SHANK2: variants seen among roughly 807,000 people sequenced by gnomAD.
The protein encoded by SHANK2 is SH3 and multiple ankyrin repeat domains protein 2.
A neutral mutation model predicts 133.7 loss-of-function variants in SHANK2; 43 were observed. That is an observed-to-expected ratio of 0.32 (90% CI 0.25 to 0.41). The LOEUF is 0.41. SHANK2 is among the 10% of genes least tolerant of loss of function. The pLI is 1.00. For missense variants in SHANK2, 1,994 were observed against 2,235.8 expected (o/e 0.89, Z 2.18); for synonymous variants, 1,017 against 952.8 (o/e 1.07, Z -1.24).
In SHANK2 at chr11:70,801,475, G is replaced by A. The variant is rs997517416; in HGVS notation, c.1664-2919C>T. On this transcript the variant is annotated intron_variant, in intron 13 of 25. Transcript: ENST00000601538. ...AGAATGGGGAGCAAGAGAGGGGTTT[G>A]TGCCTTGAGTGCCTCCCTGACAGAA... Among the ~76,000 whole-genome samples, 4 of 152,240 alleles carry A rather than the reference G, an allele frequency of 2.6e-5. No homozygotes were observed. In the East Asian group the frequency reaches 5.8e-4, roughly 22 times the overall value.
intron 2 of SHANK2, among the ~76,000 whole-genome samples, chr11:71,192,939 TC>T (rs1953821205): frequency 6.6e-6 from 1 of 152,162 alleles, no homozygotes; most frequent in African/African-American, 2.4e-5. Flanking sequence ...GGGGGAACCT[TC>T]CTTGTCAAAG....
intron 17 of SHANK2, among the ~76,000 whole-genome samples, chr11:70,536,336 C>T (rs964469697): frequency 6.6e-6 from 1 of 152,188 alleles, no homozygotes; most frequent in East Asian, 1.9e-4. Context: ...TGAGATGAGG[C>T]TTGGTCTAAA....
intron 11 of SHANK2, among the ~76,000 whole-genome samples, chr11:70,885,406 A>G (rs1445141046): frequency 6.6e-6 from 1 of 152,196 alleles, no homozygotes; most frequent in African/African-American, 2.4e-5. Flanking sequence ...TGTGTGCACC[A>G]TGGGGGATCC....
At chr11:70,726,429 G>A (rs1946182116) in intron 14 of SHANK2, among the ~76,000 whole-genome samples, 1 of 145,614 alleles carries the variant, frequency 6.9e-6, no homozygotes, top group Non-Finnish European at 1.5e-5. Flanking sequence ...GGAGGCTAGA[G>A]ATGTGGGGTC....
intron 2 of SHANK2, among the ~76,000 whole-genome samples, chr11:71,222,539 C>T (rs958398441): frequency 3.3e-5 from 5 of 152,230 alleles, no homozygotes; most frequent in Admixed American, 1.3e-4. Flanking sequence ...GCTGGCCGGA[C>T]GCAGGCGCCT....
At chr11:70,947,109 T>C (rs1466947153) in intron 10 of SHANK2, among the ~76,000 whole-genome samples, 1 of 146,682 alleles carries the variant, frequency 6.8e-6, no homozygotes, top group African/African-American at 2.6e-5. Flanking sequence ...CCCAATCTGG[T>C]GAAATTCTTG....
At chr11:70,536,026 G>A (rs1026502474) in intron 17 of SHANK2, among the ~76,000 whole-genome samples, 11 of 152,196 alleles carry the variant, frequency 7.2e-5, no homozygotes, top group African/African-American at 2.7e-4. Context: ...CTCTCTGCAG[G>A]TGCACACACT....
chr11:70,826,832 G>C, intron 11 of SHANK2: 1 of 247,220 alleles, frequency 4.0e-6, no homozygotes, highest in Non-Finnish European at 8.2e-6. Context: ...GAGGCACCGC[G>C]GAGGGTTAAC....
At chr11:70,656,742 G>A (rs2061410455) in intron 17 of SHANK2, among the ~76,000 whole-genome samples, 1 of 152,180 alleles carries the variant, frequency 6.6e-6, no homozygotes, top group Admixed American at 6.5e-5. Flanking sequence ...CAGCTTGAGT[G>A]ATAACATCTA....
intron 11 of SHANK2, among the ~76,000 whole-genome samples, chr11:70,874,085 C>T (rs955913471): frequency 6.6e-6 from 1 of 152,020 alleles, no homozygotes; most frequent in Non-Finnish European, 1.5e-5. Flanking sequence ...TCCATTCATC[C>T]ATCCATCCAT....
intron 11 of SHANK2, among the ~76,000 whole-genome samples, chr11:70,872,645 C>T (rs1047162061): frequency 1.3e-5 from 2 of 152,012 alleles, no homozygotes; most frequent in African/African-American, 2.4e-5. Flanking sequence ...CCGTGAGCTA[C>T]GTGGAATGAG....
intron 15 of SHANK2, among the ~76,000 whole-genome samples, chr11:70,679,642 C>T (rs945941890): frequency 1.3e-5 from 2 of 152,380 alleles, no homozygotes; most frequent in South Asian, 2.1e-4. Context: ...CTCCACTGAA[C>T]GGGAGGCTTG....
At chr11:70,813,757 T>C (rs1268021275) in intron 12 of SHANK2, among the ~76,000 whole-genome samples, 3 of 152,142 alleles carry the variant, frequency 2.0e-5, no homozygotes, top group Non-Finnish European at 4.4e-5. Context: ...TCAGGTCCTG[T>C]GTCATCTCCT....
At chr11:71,067,905 T>C (rs1223218877) in intron 9 of SHANK2, among the ~76,000 whole-genome samples, 1 of 150,110 alleles carries the variant, frequency 6.7e-6, no homozygotes, top group African/African-American at 2.5e-5. Flanking sequence ...ACTACCACTA[T>C]CATCATCAAT....
intron 12 of SHANK2, among the ~76,000 whole-genome samples, chr11:70,811,493 C>G (rs529087122): frequency 4.6e-5 from 7 of 152,040 alleles, no homozygotes; most frequent in African/African-American, 1.7e-4. Flanking sequence ...CCATCCAGGC[C>G]TCCTTGCCCA....
At chr11:70,553,161 C>T (rs917605278) in intron 17 of SHANK2, among the ~76,000 whole-genome samples, 24 of 152,014 alleles carry the variant, frequency 1.6e-4, no homozygotes, top group African/African-American at 5.5e-4. Context: ...GGCGCGATCT[C>T]GTCTCACTGC....
At chr11:71,252,767 G>A (rs1948208621), upstream of SHANK2, among the ~76,000 whole-genome samples, 1 of 151,178 alleles carries the variant, frequency 6.6e-6, no homozygotes, top group South Asian at 2.1e-4. This position sits in a 1 kb window ranked among gnomAD's most constrained non-coding sequence, Gnocchi z 6.3. Context: ...TCGGGCGTGC[G>A]CGTGGGGTCT....
chr11:70,656,104 G>A (rs193115347), intron 17 of SHANK2, among the ~76,000 whole-genome samples: 213 of 152,262 alleles, frequency 1.4e-3, no homozygotes, highest in African/African-American at 4.7e-3. Flanking sequence ...CTTAGCACAT[G>A]TCGTGAACTT....
chr11:70,603,360 G>C (rs2060526356), intron 17 of SHANK2: 1 of 152,496 alleles, frequency 6.6e-6, no homozygotes, highest in African/African-American at 2.4e-5. Context: ...TCCTCCTCCA[G>C]GCTTCCCTTC....
Sources: allele counts gnomAD v4.1 joint callset (sites outside exome capture counted in the v4.1 genomes callset), GRCh38; gene constraint gnomAD v4.1.1; non-coding constraint Gnocchi (gnomAD v3.1); transcripts MANE v1.5; gene names NCBI Gene and HGNC (gene_info 2026-07-23, HGNC 2026-07-21).